The following MAGI1 variants were observed in gnomAD, a reference collection of about 807,000 sequenced individuals.
The protein encoded by MAGI1 is membrane-associated guanylate kinase, WW and PDZ domain-containing protein 1.
MAGI1 carries 58 observed loss-of-function variants against 139.9 expected under a neutral mutation model. The observed-to-expected ratio is 0.41, with a 90% CI of 0.34 to 0.52. MAGI1 has a LOEUF of 0.52. MAGI1 is among the 20% of genes least tolerant of loss of function. The pLI, the probability that MAGI1 is intolerant of heterozygous loss-of-function variation, is 0.12. For synonymous variants in MAGI1, 812 were observed against 737.9 expected (o/e 1.10, Z -1.63); for missense variants, 1,874 against 1,901.6 (o/e 0.99, Z 0.27).
chr3:65,560,258 T>C (rs2080283353), intron 2 of MAGI1, among the ~76,000 whole-genome samples: 1 of 152,164 alleles, frequency 6.6e-6, no homozygotes, highest in Non-Finnish European at 1.5e-5. Flanking sequence ...TCAGCCTGTT[T>C]TGAATTAAAA....
rs544098766 is a variant in MAGI1, at chr3:65,437,899, A to AT, written c.1271-653dup. ...CAGCTCAGGAAAGATACATTAAAAA[A>AT]TTTTTAGACAAAAAATAACAGATGT... On this transcript the variant is annotated intron_variant, in intron 9 of 22. Coordinates refer to ENST00000402939, the MANE Select transcript of MAGI1 (RefSeq NM_001033057.2). Among the ~76,000 whole-genome samples, 614 of 152,306 alleles carry AT rather than the reference A, an allele frequency of 4.0e-3. 2 individuals carry two copies. The highest frequency in any genetic ancestry group is 6.0e-3 in the Non-Finnish European group (411 of 68,018).
intron 1 of MAGI1, among the ~76,000 whole-genome samples, chr3:65,642,762 C>CT (rs1443558693): frequency 6.6e-6 from 1 of 152,132 alleles, no homozygotes; most frequent in Non-Finnish European, 1.5e-5. Flanking sequence ...CAGAAAATAG[C>CT]TTTTTTAAAA....
chr3:65,432,865 A>G (rs1325285771), intron 10 of MAGI1, among the ~76,000 whole-genome samples: 3 of 152,182 alleles, frequency 2.0e-5, no homozygotes, highest in African/African-American at 7.2e-5. Flanking sequence ...ATGCAGAGAC[A>G]TCAACAGCCA....
At chr3:65,694,068 G>T (rs796450577) in intron 1 of MAGI1, among the ~76,000 whole-genome samples, 1 of 152,102 alleles carries the variant, frequency 6.6e-6, no homozygotes, top group Non-Finnish European at 1.5e-5. Context: ...AAAATATACA[G>T]ACAGGTTATT....
At chr3:65,390,183 A>C (rs1241731243) in intron 14 of MAGI1, among the ~76,000 whole-genome samples, 1 of 152,182 alleles carries the variant, frequency 6.6e-6, no homozygotes, top group Non-Finnish European at 1.5e-5. Context: ...AGCAGTGACC[A>C]CATTTGCAGC....
rs186119486 is a variant in MAGI1, at chr3:65,638,578, G to A, written c.314-16490C>T. ...CTCAAGTAGCTGGGACTACAGGAGT[G>A]CGCCACCATGCTCTCCTGATTTTTT... On this transcript the variant is annotated intron_variant, in intron 1 of 22. Transcript: ENST00000402939. Among the ~76,000 whole-genome samples, 461 of 140,782 alleles carry A rather than the reference G, an allele frequency of 3.3e-3. 5 individuals carry two copies. The highest frequency in any genetic ancestry group is 0.012 in the African/African-American group (443 of 37,908). 92.4% of individuals were successfully genotyped at this position (140,782 alleles called of 152,430 possible).
chr3:65,636,111 G>A (rs565406009), intron 1 of MAGI1, among the ~76,000 whole-genome samples: 8 of 152,254 alleles, frequency 5.3e-5, no homozygotes, highest in East Asian at 1.9e-4. Context: ...CCATGGTCCC[G>A]GGGCAGAGGG....
chr3:65,882,118 A>T (rs1014653905), intron 1 of MAGI1, among the ~76,000 whole-genome samples: 6 of 152,364 alleles, frequency 3.9e-5, no homozygotes, highest in Non-Finnish European at 7.3e-5. Context: ...TAAATTCATA[A>T]GCAGTCATTT....
chr3:65,851,935 C>G (rs892492292), intron 1 of MAGI1, among the ~76,000 whole-genome samples: 3 of 151,990 alleles, frequency 2.0e-5, no homozygotes, highest in Non-Finnish European at 2.9e-5. Flanking sequence ...TTTTGATCTG[C>G]GAAAGAGGCA....
intron 1 of MAGI1, among the ~76,000 whole-genome samples, chr3:65,859,907 T>TTTTG (rs1158213910): frequency 3.3e-5 from 4 of 120,090 alleles, no homozygotes; most frequent in African/African-American, 9.0e-5. Flanking sequence ...TTTGTTTTTG[T>TTTTG]TTTTTTTTTT....
intron 1 of MAGI1, among the ~76,000 whole-genome samples, chr3:65,672,402 G>A (rs1487669044): frequency 6.6e-6 from 1 of 152,210 alleles, no homozygotes; most frequent in Non-Finnish European, 1.5e-5. Context: ...ATGATAAATC[G>A]CTGACAAAGA....
intron 1 of MAGI1, among the ~76,000 whole-genome samples, chr3:65,814,240 A>T (rs1016862682): frequency 6.6e-6 from 1 of 152,118 alleles, no homozygotes; most frequent in African/African-American, 2.4e-5. Context: ...TTTCATATTC[A>T]TCTACATAAA....
intron 21 of MAGI1, among the ~76,000 whole-genome samples, chr3:65,361,751 T>G (rs1219624467): frequency 6.6e-6 from 1 of 152,158 alleles, no homozygotes; most frequent in Non-Finnish European, 1.5e-5. Context: ...ATAAAACGAT[T>G]TTGTCATCTG....
chr3:65,382,031 A>G lies in MAGI1; in HGVS notation c.2547T>C (p.Asp849=), dbSNP rs766323717. Residue 849 remains aspartate (D), a synonymous_variant, in exon 16 of 23, where the codon GAT becomes GAC. Coordinates refer to ENST00000402939, the MANE Select transcript of MAGI1 (RefSeq NM_001033057.2). The stretch of plus-strand genomic sequence containing the variant: ...CTCCAGACCTCAGGCGGCCGTCAGT[A>G]TCAGCAGCACCCAGTGGTACGATGT... ...IGHIVPLGAA[D]TDGRLRSGDE... 8 of 1,613,950 alleles carry G rather than the reference A, an allele frequency of 5.0e-6. No individual in the cohort carries two copies. Among genetic ancestry groups the G allele is most frequent in the Non-Finnish European group, 6.8e-6 (8 of 1,180,016 alleles).
intron 1 of MAGI1, among the ~76,000 whole-genome samples, chr3:65,678,947 A>G (rs772309884): frequency 2.0e-5 from 3 of 152,184 alleles, no homozygotes; most frequent in Non-Finnish European, 4.4e-5. Context: ...ATAATTAAGA[A>G]TCATCCCATC....
chr3:65,509,653 A>G (rs1409620867), intron 2 of MAGI1, among the ~76,000 whole-genome samples: 1 of 152,132 alleles, frequency 6.6e-6, no homozygotes, highest in Non-Finnish European at 1.5e-5. Context: ...AGAGGGTCCT[A>G]CGCCCACGGA....
intron 1 of MAGI1, among the ~76,000 whole-genome samples, chr3:65,974,313 G>A (rs1379934536): frequency 6.8e-6 from 1 of 147,082 alleles, no homozygotes; most frequent in Non-Finnish European, 1.5e-5. Context: ...TGGGAGGGAA[G>A]AAGGGAGAGT....
intron 3 of MAGI1, among the ~76,000 whole-genome samples, chr3:65,489,173 A>G (rs1951823734): frequency 6.6e-6 from 1 of 152,160 alleles, no homozygotes; most frequent in East Asian, 1.9e-4. Flanking sequence ...GCTTGTTAGG[A>G]AGATTAAATG....
chr3:65,774,205 G>A (rs986946801), intron 1 of MAGI1, among the ~76,000 whole-genome samples: 5 of 152,016 alleles, frequency 3.3e-5, no homozygotes, highest in East Asian at 3.9e-4. Flanking sequence ...ATATAATTCC[G>A]GCTAAACCAA....
Sources: gnomAD v4.1 joint callset for allele counts (sites outside exome capture counted in the v4.1 genomes callset) on GRCh38, gnomAD v4.1.1 for gene constraint, MANE v1.5 for transcripts, NCBI Gene and HGNC (gene_info 2026-07-23, HGNC 2026-07-21) for gene names.